The following NCAM2 variants were observed in gnomAD, a reference collection of about 807,000 sequenced individuals.
The protein encoded by NCAM2 is neural cell adhesion molecule 2.
A neutral mutation model predicts 98.1 loss-of-function variants in NCAM2; 30 were observed. The ratio of observed to expected loss-of-function variants is 0.31; its 90% CI spans 0.23 to 0.41. The LOEUF is 0.41. Ranked by LOEUF, NCAM2 falls within the 10% of genes least tolerant of loss-of-function variation. The pLI is 1.00. For synonymous variants in NCAM2, 368 were observed against 342.4 expected (o/e 1.07, Z -0.83); for missense variants, 867 against 1,005.8 (o/e 0.86, Z 1.87).
intron 12 of NCAM2, among the ~76,000 whole-genome samples, chr21:21,465,546 A>T (rs1983569627): frequency 9.5e-6 from 1 of 105,550 alleles, no homozygotes; most frequent in Admixed American, 8.7e-5. Flanking sequence ...TTATCTAGTA[A>T]ATTATAATAT....
At chr21:21,109,229 A>G (rs2066407878) in intron 1 of NCAM2, among the ~76,000 whole-genome samples, 1 of 152,148 alleles carries the variant, frequency 6.6e-6, no homozygotes, top group Admixed American at 6.6e-5. Context: ...AAGATTAATA[A>G]TATGAATGAC....
chr21:21,065,771 C>A (rs62207570), intron 1 of NCAM2, among the ~76,000 whole-genome samples: 35,496 of 151,928 alleles, frequency 0.23, 4,972 homozygotes, highest in African/African-American at 0.38. Context: ...ACTATGACTA[C>A]TATATTTATC....
chr21:21,242,904 C>T (rs2071124142), intron 1 of NCAM2, among the ~76,000 whole-genome samples: 1 of 151,928 alleles, frequency 6.6e-6, no homozygotes, highest in African/African-American at 2.4e-5. Flanking sequence ...ATGGGAAATG[C>T]ATCAAAGCAG....
At chr21:21,272,934 T>A (rs1044747944) in intron 1 of NCAM2, among the ~76,000 whole-genome samples, 20 of 124,854 alleles carry the variant, frequency 1.6e-4, no homozygotes, top group Non-Finnish European at 1.8e-4. Context: ...GGACATGCAT[T>A]CACACACACA....
chr21:21,170,711 A>G (rs896267300), intron 1 of NCAM2, among the ~76,000 whole-genome samples: 1 of 152,170 alleles, frequency 6.6e-6, no homozygotes, highest in Non-Finnish European at 1.5e-5. Flanking sequence ...GTTTACCAAA[A>G]TCCATGGAAT....
Position 21,378,125 on chromosome 21 carries a change from A to T in NCAM2, c.1195+4112A>T, listed in dbSNP as rs541048727. On this transcript the variant is annotated intron_variant, in intron 9 of 17. Transcript: ENST00000400546. ...TTGATTCCATATCTAGGCTGTTGTG[A>T]ATAATACTGTCATGAACATGGGACT... Among the ~76,000 whole-genome samples, 60 of 152,044 alleles carry T rather than the reference A, an allele frequency of 3.9e-4. No individual in the cohort carries two copies. In the South Asian group the frequency reaches 0.012, roughly 32 times the overall value.
intron 9 of NCAM2, among the ~76,000 whole-genome samples, chr21:21,392,568 C>G (rs899956703): frequency 1.3e-5 from 2 of 152,196 alleles, no homozygotes; most frequent in African/African-American, 4.8e-5. Flanking sequence ...CTGCCACCAA[C>G]AGTGTAACAG....
intron 8 of NCAM2, among the ~76,000 whole-genome samples, chr21:21,356,781 G>A (rs956355378): frequency 1.3e-5 from 2 of 152,066 alleles, no homozygotes; most frequent in South Asian, 2.1e-4. Flanking sequence ...ATCTGAGGTC[G>A]GGAGTTCGAG....
intron 9 of NCAM2, chr21:21,385,587 C>T: frequency 2.4e-6 from 3 of 1,260,038 alleles, no homozygotes; most frequent in Non-Finnish European, 3.1e-6. Flanking sequence ...TTGCTCAAAA[C>T]CTCTTTTGTG....
chr21:21,433,804 AAG>A (rs907438847), intron 12 of NCAM2, among the ~76,000 whole-genome samples: 7 of 151,390 alleles, frequency 4.6e-5, no homozygotes, highest in Admixed American at 3.3e-4. Flanking sequence ...ATAAAAATAA[AAG>A]AGAGAAAAAG....
chr21:21,057,501 G>T (rs2065235699), intron 1 of NCAM2, among the ~76,000 whole-genome samples: 1 of 152,048 alleles, frequency 6.6e-6, no homozygotes. Flanking sequence ...TCATTGTACA[G>T]TGTCGGAGCA....
intron 1 of NCAM2, among the ~76,000 whole-genome samples, chr21:21,045,077 A>G (rs1020520015): frequency 2.6e-5 from 4 of 152,178 alleles, no homozygotes; most frequent in African/African-American, 9.7e-5. Context: ...AAGAATAAAA[A>G]TCATCCAGTT....
intron 1 of NCAM2, among the ~76,000 whole-genome samples, chr21:21,083,664 C>T (rs2065853953): frequency 1.3e-5 from 2 of 152,066 alleles, no homozygotes; most frequent in Admixed American, 1.3e-4. Context: ...ATTTGCCCAC[C>T]CCGGCATCCC....
At chr21:21,508,718 TTCTG>T (rs1302927633) in intron 15 of NCAM2, 129 bp from the exon 16 acceptor site, 1 of 702,012 alleles carries the variant, frequency 1.4e-6, no homozygotes, top group Non-Finnish European at 2.1e-6. Flanking sequence ...TATGACTTTA[TTCTG>T]TCTCTTAAAT....
chr21:21,472,681 AAAT>A (rs148361546), intron 14 of NCAM2, among the ~76,000 whole-genome samples: 10,049 of 151,896 alleles, frequency 0.066, 494 homozygotes, highest in African/African-American at 0.13. Flanking sequence ...TTAATATGAG[AAAT>A]AAGAAACACA....
At chr21:21,268,147 C>T (rs766661935) in intron 1 of NCAM2, among the ~76,000 whole-genome samples, 4 of 152,136 alleles carry the variant, frequency 2.6e-5, no homozygotes, top group Non-Finnish European at 5.9e-5. Context: ...AAGGGGCTCC[C>T]TCATGTTGCC....
intron 1 of NCAM2, among the ~76,000 whole-genome samples, chr21:21,060,703 GACAC>G (rs1601240599): frequency 6.6e-6 from 1 of 152,074 alleles, no homozygotes; most frequent in African/African-American, 2.4e-5. Context: ...GAGTAGCATA[GACAC>G]ACACAGACAT....
At chr21:21,373,086 A>C (rs2075956043) in intron 8 of NCAM2, among the ~76,000 whole-genome samples, 1 of 151,786 alleles carries the variant, frequency 6.6e-6, no homozygotes, top group South Asian at 2.1e-4. Flanking sequence ...GAAGGAGTAC[A>C]TTTTCTTTAC....
chr21:21,195,756 T>C (rs2068981741), intron 1 of NCAM2, among the ~76,000 whole-genome samples: 1 of 152,182 alleles, frequency 6.6e-6, no homozygotes, highest in Non-Finnish European at 1.5e-5. Flanking sequence ...ACTCCAGACA[T>C]GATTGCTGTA....
Sources: allele counts gnomAD v4.1 joint callset (sites outside exome capture counted in the v4.1 genomes callset), GRCh38; gene constraint gnomAD v4.1.1; transcripts MANE v1.5; gene names NCBI Gene and HGNC (gene_info 2026-07-23, HGNC 2026-07-21).